PCDH11X: variants seen among roughly 807,000 people sequenced by gnomAD.
PCDH11X encodes the protein protocadherin-11 X-linked.
A neutral mutation model predicts 53.3 loss-of-function variants in PCDH11X; 18 were observed. That is an observed-to-expected ratio of 0.34 (90% CI 0.23 to 0.50). The LOEUF is 0.50. PCDH11X is among the 20% of genes least tolerant of loss of function. The probability of loss-of-function intolerance (pLI) is 0.98; values close to 1 mark genes in which losing one functional copy is unlikely to be tolerated. For missense variants in PCDH11X, 570 were observed against 1,032.4 expected, an observed-to-expected ratio of 0.55 and a Z score of 6.14; for synonymous variants, 279 against 393.3, an observed-to-expected ratio of 0.71 and a Z score of 3.44.
intron 7 of PCDH11X, among the ~76,000 whole-genome samples, chrX:92,259,015 T>C (rs6652628): frequency 0.12 from 12,973 of 109,934 alleles, 1,208 homozygotes; most frequent in African/African-American, 0.3. Context: ...GCTCCAGATC[T>C]CAATAAGCTC....
At chrX:92,496,620 A>T (rs2073864837) in intron 10 of PCDH11X, among the ~76,000 whole-genome samples, 1 of 104,574 alleles carries the variant, frequency 9.6e-6, no homozygotes, top group Non-Finnish European at 1.9e-5. Flanking sequence ...ACAATGGATT[A>T]TGGAATATGG....
chrX:92,148,173 CTTCTTTCTTTCTTTCT>C (rs1260262520), intron 6 of PCDH11X, among the ~76,000 whole-genome samples: 1 of 8,394 alleles, frequency 1.2e-4, no homozygotes, highest in Non-Finnish European at 2.2e-4. Flanking sequence ...TCCTTCCTTC[CTTCTTTCTTTCTTTCT>C]TTCTTTCTTT....
intron 10 of PCDH11X, among the ~76,000 whole-genome samples, chrX:92,490,788 AAAAGAAAGAG>A (rs2073748720): frequency 1.9e-5 from 2 of 106,849 alleles, no homozygotes; most frequent in South Asian, 8.3e-4. Flanking sequence ...AGAAAGAAAG[AAAAGAAAGAG>A]AAAGAAAGAG....
chrX:92,318,833 A>T (rs1451196834), intron 8 of PCDH11X, among the ~76,000 whole-genome samples: 3 of 111,712 alleles, frequency 2.7e-5, no homozygotes, highest in Non-Finnish European at 5.6e-5. Flanking sequence ...CTGATCAATT[A>T]GTTAGAGGAC....
chrX:91,788,295 G>T (rs1935400502), intron 1 of PCDH11X, among the ~76,000 whole-genome samples: 1 of 111,275 alleles, frequency 9.0e-6, no homozygotes, highest in Non-Finnish European at 1.9e-5. Context: ...ATTTTGTATT[G>T]AATAGAGATT....
chrX:92,455,143 T>TA (rs1297961975), intron 9 of PCDH11X, among the ~76,000 whole-genome samples: 1 of 104,704 alleles, frequency 9.6e-6, no homozygotes, highest in African/African-American at 3.5e-5. Context: ...ATCATGTTTT[T>TA]ATTAGTATCA....
chrX:92,306,896 G>T (rs1445029194), intron 8 of PCDH11X, among the ~76,000 whole-genome samples: 1 of 111,228 alleles, frequency 9.0e-6, no homozygotes, highest in Non-Finnish European at 1.9e-5. Context: ...GTTGCAGTGA[G>T]CCAAGATCGT....
At chrX:92,605,607 A>T (rs1361880069) in intron 10 of PCDH11X, among the ~76,000 whole-genome samples, 6 of 112,336 alleles carry the variant, frequency 5.3e-5, no homozygotes, top group African/African-American at 1.9e-4. Context: ...AAACTTGTTA[A>T]AACTAATACT....
At chrX:91,795,081 A>G (rs1302973948) in intron 1 of PCDH11X, among the ~76,000 whole-genome samples, 1 of 110,453 alleles carries the variant, frequency 9.1e-6, no homozygotes, top group Non-Finnish European at 1.9e-5. Context: ...TTTCCTTTGT[A>G]AATTGCCCAG....
chrX:91,895,930 G>A (rs1012299052), intron 6 of PCDH11X, among the ~76,000 whole-genome samples: 1 of 100,754 alleles, frequency 9.9e-6, no homozygotes, highest in African/African-American at 3.6e-5. Flanking sequence ...CGTATATTAT[G>A]TATATGTATA....
intron 7 of PCDH11X, among the ~76,000 whole-genome samples, chrX:92,256,723 C>T (rs751308795): frequency 4.5e-5 from 5 of 110,366 alleles, no homozygotes; most frequent in Non-Finnish European, 7.6e-5. Flanking sequence ...CACCCCCAAC[C>T]CTTTGACAGA....
chrX:92,253,822 G>C (rs887130287), intron 7 of PCDH11X, among the ~76,000 whole-genome samples: 1 of 111,863 alleles, frequency 8.9e-6, no homozygotes, highest in Non-Finnish European at 1.9e-5. Context: ...TTATTTATCA[G>C]TTCAATAGTT....
intron 10 of PCDH11X, among the ~76,000 whole-genome samples, chrX:92,489,283 C>T (rs1320961333): frequency 1.8e-5 from 2 of 109,397 alleles, no homozygotes; most frequent in African/African-American, 6.7e-5. Flanking sequence ...GAAAACAAGG[C>T]ATGGAGGTAT....
chrX:91,790,479 G>C, intron 1 of PCDH11X, among the ~76,000 whole-genome samples: 1 of 112,210 alleles, frequency 8.9e-6, no homozygotes. Flanking sequence ...TTTTAGAGTA[G>C]AATATCCAAT....
chrX:92,215,775 T>A (rs1666181716), intron 7 of PCDH11X, among the ~76,000 whole-genome samples: 1 of 106,440 alleles, frequency 9.4e-6, no homozygotes, highest in African/African-American at 3.4e-5. Flanking sequence ...GACCCCTGAC[T>A]CCCGAGCAGC....
At chrX:91,893,673 C>T (rs910518900) in intron 6 of PCDH11X, among the ~76,000 whole-genome samples, 1 of 110,811 alleles carries the variant, frequency 9.0e-6, no homozygotes, top group African/African-American at 3.3e-5. Flanking sequence ...CATTGTGTCT[C>T]TCCGCCCCTC....
At chrX:92,108,088 T>C (rs6618857) in intron 6 of PCDH11X, among the ~76,000 whole-genome samples, 13,932 of 111,850 alleles carry the variant, frequency 0.12, 939 homozygotes, top group East Asian at 0.41. Context: ...GGATATTATT[T>C]AGTTTTTAGA....
intron 8 of PCDH11X, among the ~76,000 whole-genome samples, chrX:92,339,725 C>A (rs1047272443): frequency 1.8e-5 from 2 of 108,277 alleles, no homozygotes; most frequent in African/African-American, 6.8e-5. Context: ...ACCCCATGAT[C>A]CAGTCACCTC....
rs57249653 is a variant in PCDH11X, at chrX:91,894,190, T to G, written c.3033+14917T>G. On this transcript the variant is annotated intron_variant, in intron 6 of 10. Transcript: ENST00000682573. ...TAAAGGAAATGAACACCATCATGAA[T>G]AGGAAAATAATGTTTCTTTTGCTCA... Among the ~76,000 whole-genome samples the G allele has an allele frequency of 4.7e-3, 525 of 112,105 alleles. 4 individuals are homozygous for G. Among genetic ancestry groups the G allele is most frequent in the African/African-American group, 0.016 (493 of 30,948 alleles).
Sources: allele counts gnomAD v4.1 joint callset (sites outside exome capture counted in the v4.1 genomes callset), GRCh38; gene constraint gnomAD v4.1.1; transcripts MANE v1.5; gene names NCBI Gene and HGNC (gene_info 2026-07-23, HGNC 2026-07-21).